Variants in SAMD3 observed in about 807,000 individuals in gnomAD.
SAMD3 encodes sterile alpha motif domain-containing protein 3.
A neutral mutation model predicts 58.5 loss-of-function variants in SAMD3; 63 were observed. The observed-to-expected ratio is 1.08, with a 90% CI of 0.88 to 1.33. The LOEUF is 1.33. Ranked by LOEUF, SAMD3 falls within the 40% of genes most tolerant of loss-of-function variation. The probability of loss-of-function intolerance (pLI) is 0.00; values close to 1 mark genes in which losing one functional copy is unlikely to be tolerated. For missense variants in SAMD3, 604 were observed against 608.4 expected (o/e 0.99, Z 0.08); for synonymous variants, 220 against 210.3 (o/e 1.05, Z -0.40).
In SAMD3 at chr6:130,184,438, A is replaced by G. The variant is rs1428919108; in HGVS notation, c.569T>C (p.Leu190Pro). 3.7e-6 allele frequency: 6 copies of G among 1,613,514 alleles called. No individual in the cohort carries two copies. In the South Asian group the frequency reaches 5.5e-5, roughly 15 times the overall value. ...ADMTKYLEGS[L>P]YPSTQQYNDV... ...GCAAGCTTGTCCTGTTGTCACTCAC[A>G]GTGAGCCTTCCAGATACTTAGTCAT... is the stretch of plus-strand genomic sequence containing the variant. Residue 190 changes from leucine to proline, a missense_variant and splice_region_variant, in exon 6 of 12, where the codon CTG becomes CCG. Leu to Pro is a moderately conservative substitution (Grantham distance 98). Coordinates refer to ENST00000439090, the MANE Select transcript of SAMD3 (RefSeq NM_001017373.4).
At chr6:130,166,557 GA>G (rs375257107) in intron 8 of SAMD3, among the ~76,000 whole-genome samples, 43 of 152,152 alleles carry the variant, frequency 2.8e-4, no homozygotes, top group African/African-American at 9.4e-4. Context: ...GTCTATCAAA[GA>G]TGAACTGCAG....
At chr6:130,324,959 T>C (rs1349295013) in intron 1 of SAMD3, among the ~76,000 whole-genome samples, 1 of 152,162 alleles carries the variant, frequency 6.6e-6, no homozygotes, top group Non-Finnish European at 1.5e-5. Context: ...TTGCTTTAAA[T>C]TATAAGTTTG....
At chr6:130,182,633 GGGGA>G (rs1180747756) in intron 7 of SAMD3, among the ~76,000 whole-genome samples, 4 of 149,640 alleles carry the variant, frequency 2.7e-5, no homozygotes, top group Non-Finnish European at 5.9e-5. Context: ...GAAGGAGGGA[GGGGA>G]GGGAGGAAGG....
chr6:130,338,968 A>G (rs1223060227), intron 1 of SAMD3, among the ~76,000 whole-genome samples: 1 of 152,102 alleles, frequency 6.6e-6, no homozygotes, highest in Non-Finnish European at 1.5e-5. Context: ...GAAATGTAAA[A>G]AGGATGTGAG....
At chr6:130,335,944 C>T (rs185791828) in intron 1 of SAMD3, among the ~76,000 whole-genome samples, 125 of 152,070 alleles carry the variant, frequency 8.2e-4, no homozygotes, top group African/African-American at 2.9e-3. Flanking sequence ...TATTCTCACT[C>T]ATAGGTAGGA....
At chr6:130,277,285 T>C (rs1353843820) in intron 2 of SAMD3, among the ~76,000 whole-genome samples, 1 of 152,204 alleles carries the variant, frequency 6.6e-6, no homozygotes, top group Non-Finnish European at 1.5e-5. Flanking sequence ...GTGGGACTAT[T>C]ATCATTCTTG....
chr6:130,255,134 T>C (rs188979760), intron 2 of SAMD3, among the ~76,000 whole-genome samples: 1 of 152,362 alleles, frequency 6.6e-6, no homozygotes, highest in East Asian at 1.9e-4. Flanking sequence ...TGACTTCTAG[T>C]TTCATACCAT....
At chr6:130,297,970 A>G (rs1462851357) in intron 2 of SAMD3, among the ~76,000 whole-genome samples, 2 of 152,226 alleles carry the variant, frequency 1.3e-5, no homozygotes, top group Admixed American at 1.3e-4. Flanking sequence ...GAGGAAAAAA[A>G]TTCAGGAAAA....
Position 130,336,410 on chromosome 6 carries a change from G to T in SAMD3, c.-303-23317C>A, listed in dbSNP as rs534360583. On this transcript the variant is annotated intron_variant, in intron 1 of 13. Coordinates refer to the SAMD3 transcript ENST00000368134. Reference sequence around the variant, plus strand: ...GAAGAGTTCCAACATAGTGCATGGGGCTATCTCTGGGAAAGTTTTGTTCTA... The same window carrying T: ...GAAGAGTTCCAACATAGTGCATGGGTCTATCTCTGGGAAAGTTTTGTTCTA... Among the ~76,000 whole-genome samples, 25 of 152,254 alleles carry T rather than the reference G, an allele frequency of 1.6e-4. No individual in the cohort carries two copies. The South Asian group carries it at 5.0e-3, about 30-fold the overall frequency.
chr6:130,282,162 G>A (rs1389428331), intron 2 of SAMD3, among the ~76,000 whole-genome samples: 2 of 152,010 alleles, frequency 1.3e-5, no homozygotes, highest in Non-Finnish European at 2.9e-5. Context: ...ACACGCACAC[G>A]TGCAGGGAGA....
intron 10 of SAMD3, among the ~76,000 whole-genome samples, chr6:130,145,698 T>A (rs1788558507): frequency 6.6e-6 from 1 of 152,218 alleles, no homozygotes; most frequent in African/African-American, 2.4e-5. Context: ...TGATTTGTAT[T>A]GTAAAATTAA....
In SAMD3 at chr6:130,253,551, G is replaced by T. The variant is rs770986652; in HGVS notation, c.-187-30738C>A. Among the ~76,000 whole-genome samples the T allele has an allele frequency of 4.6e-5, 7 of 151,942 alleles. 1 individual carries two copies. The highest frequency in any genetic ancestry group is 4.1e-4 in the South Asian group (2 of 4,820). ...TGCAGAAGTCTTCTGACAGTTAAGAGAACTTGCATTTTTCTATAATTTTAT... is the reference window on the plus strand; with the variant it reads ...TGCAGAAGTCTTCTGACAGTTAAGATAACTTGCATTTTTCTATAATTTTAT... On this transcript the variant is annotated intron_variant, in intron 2 of 13. Transcript: ENST00000368134.
intron 2 of SAMD3, among the ~76,000 whole-genome samples, chr6:130,258,823 C>A (rs1275676149): frequency 2.6e-5 from 4 of 151,766 alleles, no homozygotes; most frequent in African/African-American, 9.7e-5. Flanking sequence ...TTTGATGTTA[C>A]CTTTTGATTA....
Position 130,256,754 on chromosome 6 carries a change from T to G in SAMD3, c.-187-33941A>C, listed in dbSNP as rs569440695. 1.1e-4 allele frequency among the ~76,000 whole-genome samples: 16 copies of G among 152,358 alleles called. No individual in the cohort carries two copies. The South Asian group carries it at 3.3e-3, about 32-fold the overall frequency. On this transcript the variant is annotated intron_variant, in intron 2 of 13. Coordinates refer to the SAMD3 transcript ENST00000368134. ...CATAAAAAATAAAACATTTTATGGT[T>G]TCAAACTTATTTTAAACATCAAACC...
intron 2 of SAMD3, among the ~76,000 whole-genome samples, chr6:130,288,238 G>A (rs553981207): frequency 1.0e-3 from 157 of 152,224 alleles, no homozygotes; most frequent in African/African-American, 3.6e-3. Context: ...ATATTGTGGG[G>A]GCTGGCAAGT....
chr6:130,232,104 G>A (rs1796564858), intron 2 of SAMD3, among the ~76,000 whole-genome samples: 5 of 152,096 alleles, frequency 3.3e-5, no homozygotes, highest in Admixed American at 3.3e-4. Context: ...TAGTGACCCA[G>A]GAACTTGTCA....
chr6:130,161,316 G>A (rs1790261358), intron 8 of SAMD3: 1 of 152,078 alleles, frequency 6.6e-6, no homozygotes, highest in Non-Finnish European at 1.5e-5. Flanking sequence ...ATTTTTTAAA[G>A]TACAGAAAAA....
At chr6:130,145,484 G>A in intron 10 of SAMD3, 62 bp from the exon 11 acceptor site, 1 of 1,146,108 alleles carries the variant, frequency 8.7e-7, no homozygotes, top group Non-Finnish European at 1.3e-6. Context: ...TGTAAGCTAA[G>A]CTAGTATTGA....
chr6:130,307,278 T>G (rs538060488), intron 2 of SAMD3, among the ~76,000 whole-genome samples: 2 of 152,390 alleles, frequency 1.3e-5, no homozygotes, highest in South Asian at 4.1e-4. Context: ...TCTCTTGCAC[T>G]GTAATGCTCT....
Sources: allele counts gnomAD v4.1 joint callset (sites outside exome capture counted in the v4.1 genomes callset), GRCh38; gene constraint gnomAD v4.1.1; transcripts MANE v1.5; gene names NCBI Gene and HGNC (gene_info 2026-07-23, HGNC 2026-07-21).